The following GNAL variants were observed in gnomAD, a reference collection of about 807,000 sequenced individuals.
The protein encoded by GNAL is G protein subunit alpha L.
GNAL carries 18 observed loss-of-function variants against 55.1 expected under a neutral mutation model. The observed-to-expected ratio is 0.33, with a 90% confidence interval of 0.23 to 0.48. The LOEUF (loss-of-function observed/expected upper bound fraction) is 0.48. Ranked by LOEUF, GNAL falls within the 20% of genes least tolerant of loss-of-function variation. GNAL has a pLI of 0.99. For synonymous variants in GNAL, 253 were observed against 237.0 expected (o/e 1.07, Z -0.62); for missense variants, 412 against 614.1 (o/e 0.67, Z 3.48).
intron 1 of GNAL, among the ~76,000 whole-genome samples, chr18:11,719,799 C>G (rs2032052522): frequency 6.6e-6 from 1 of 152,202 alleles, no homozygotes; most frequent in Admixed American, 6.5e-5. Flanking sequence ...GAGCTGCGCT[C>G]ACACCATGCT....
intron 10 of GNAL, among the ~76,000 whole-genome samples, chr18:11,876,198 G>A (rs925811192): frequency 6.6e-6 from 1 of 152,178 alleles, no homozygotes; most frequent in African/African-American, 2.4e-5. Context: ...TACATGTTTG[G>A]CTGGGCGCAG....
chr18:11,838,772 T>G (rs564813633), intron 5 of GNAL, among the ~76,000 whole-genome samples: 1 of 152,304 alleles, frequency 6.6e-6, no homozygotes, highest in South Asian at 2.1e-4. Context: ...TTACTTTGTC[T>G]TTTTAAAAAT....
At chr18:11,829,010 A>G (rs910970669) in intron 5 of GNAL, among the ~76,000 whole-genome samples, 7 of 152,236 alleles carry the variant, frequency 4.6e-5, no homozygotes, top group African/African-American at 1.7e-4. Context: ...AGAGGTGCCT[A>G]CGATCACAGT....
intron 4 of GNAL, among the ~76,000 whole-genome samples, chr18:11,778,727 T>G (rs906938981): frequency 6.6e-6 from 1 of 152,078 alleles, no homozygotes; most frequent in Non-Finnish European, 1.5e-5. Context: ...TAAGAACCCA[T>G]TTTTATCAGT....
intron 4 of GNAL, among the ~76,000 whole-genome samples, chr18:11,793,739 C>T (rs2034300010): frequency 6.6e-6 from 1 of 151,902 alleles, no homozygotes; most frequent in African/African-American, 2.4e-5. Flanking sequence ...TCCTGGCCAA[C>T]ATGGCGAAAC....
intron 5 of GNAL, among the ~76,000 whole-genome samples, chr18:11,829,982 G>A (rs988992793): frequency 1.3e-5 from 2 of 152,126 alleles, no homozygotes; most frequent in African/African-American, 4.8e-5. Flanking sequence ...TCCAGCCTGG[G>A]CAAGAGAGCA....
At chr18:11,747,123 G>A in intron 1 of GNAL, 1 of 403,890 alleles carries the variant, frequency 2.5e-6, no homozygotes, top group Non-Finnish European at 4.9e-6. Context: ...AGATCGAACT[G>A]CCCACGCTGC....
At chr18:11,700,115 G>A (rs1007593650) in intron 1 of GNAL, among the ~76,000 whole-genome samples, 4 of 152,172 alleles carry the variant, frequency 2.6e-5, no homozygotes, top group African/African-American at 9.7e-5. Flanking sequence ...GAGAAGAAGA[G>A]GACAGACACC....
intron 10 of GNAL, among the ~76,000 whole-genome samples, chr18:11,873,286 A>G (rs567833836): frequency 6.6e-6 from 1 of 152,348 alleles, no homozygotes; most frequent in South Asian, 2.1e-4. Context: ...ATTTGTCATT[A>G]AACTTTTTTG....
intron 1 of GNAL, among the ~76,000 whole-genome samples, chr18:11,705,014 C>T (rs1050053032): frequency 6.6e-6 from 1 of 152,006 alleles, no homozygotes; most frequent in Middle Eastern, 3.2e-3. Context: ...TGTACAATAC[C>T]GTACTCTTCT....
chr18:11,853,068 G>T (rs1302551656), intron 5 of GNAL: 1 of 167,088 alleles, frequency 6.0e-6, no homozygotes, highest in Admixed American at 6.5e-5. Flanking sequence ...CTGTGTGTGT[G>T]TAGGTTTTGT....
At chr18:11,761,130 A>G (rs561957505) in intron 4 of GNAL, among the ~76,000 whole-genome samples, 2 of 152,218 alleles carry the variant, frequency 1.3e-5, no homozygotes, top group South Asian at 4.2e-4. Flanking sequence ...CCGTGGTCTG[A>G]CATGGCTTAC....
At chr18:11,803,573 C>G (rs2034573749) in intron 4 of GNAL, among the ~76,000 whole-genome samples, 2 of 152,178 alleles carry the variant, frequency 1.3e-5, no homozygotes, top group Admixed American at 6.6e-5. Context: ...AGGACAAGTG[C>G]AATTTGAATG....
chr18:11,732,501 C>T lies in GNAL; in HGVS notation c.377-20352C>T, dbSNP rs76763116. Among the ~76,000 whole-genome samples, 56 of 151,394 alleles carry T rather than the reference C, an allele frequency of 3.7e-4. No homozygotes were observed. The East Asian group carries it at 8.9e-3, about 24-fold the overall frequency. On this transcript the variant is annotated intron_variant, in intron 1 of 11. Coordinates refer to ENST00000334049, the MANE Select transcript of GNAL (RefSeq NM_182978.4). Reference sequence around the variant, plus strand: ...AAATGTCTGTTCAAATCCTTTGTTCCTATTTTAATTGGGTTATTTGTCATT... The same window carrying T: ...AAATGTCTGTTCAAATCCTTTGTTCTTATTTTAATTGGGTTATTTGTCATT...
chr18:11,707,489 A>G (rs1180271808), intron 1 of GNAL, among the ~76,000 whole-genome samples: 1 of 152,228 alleles, frequency 6.6e-6, no homozygotes, highest in Non-Finnish European at 1.5e-5. Flanking sequence ...TGATGTAAAC[A>G]GATGTACTGT....
At chr18:11,873,704 G>A (rs1324692805) in intron 10 of GNAL, among the ~76,000 whole-genome samples, 1 of 152,256 alleles carries the variant, frequency 6.6e-6, no homozygotes, top group Non-Finnish European at 1.5e-5. Flanking sequence ...GGTGCCGCTT[G>A]CCCATGGCAC....
intron 4 of GNAL, among the ~76,000 whole-genome samples, chr18:11,806,862 G>C (rs1200212234): frequency 1.3e-5 from 2 of 151,598 alleles, no homozygotes; most frequent in Non-Finnish European, 2.9e-5. Context: ...TCTTGTGTTA[G>C]TTTGCTAAAA....
At chr18:11,827,746 C>A (rs1045842672) in intron 5 of GNAL, among the ~76,000 whole-genome samples, 2 of 152,072 alleles carry the variant, frequency 1.3e-5, no homozygotes. Context: ...CCGAGATGGG[C>A]AGATCACGAG....
intron 1 of GNAL, among the ~76,000 whole-genome samples, chr18:11,729,808 A>G (rs2032294431): frequency 6.6e-6 from 1 of 152,164 alleles, no homozygotes; most frequent in African/African-American, 2.4e-5. Flanking sequence ...CAAACCCAGG[A>G]AGCCTTGATT....
Sources: gnomAD v4.1 joint callset for allele counts (sites outside exome capture counted in the v4.1 genomes callset) on GRCh38, gnomAD v4.1.1 for gene constraint, MANE v1.5 for transcripts, NCBI Gene and HGNC (gene_info 2026-07-23, HGNC 2026-07-21) for gene names.